Variants in EMB observed in about 807,000 individuals in gnomAD.
EMB encodes embigin.
In EMB, 31 loss-of-function variants were observed where a neutral mutation model predicts 41.4. That is an observed-to-expected ratio of 0.75 (90% CI 0.56 to 1.01). The LOEUF (loss-of-function observed/expected upper bound fraction) is 1.01. Ranked by LOEUF, EMB falls within the 50% of genes least tolerant of loss-of-function variation. The pLI is 0.00. For missense variants in EMB, 379 were observed against 388.3 expected (o/e 0.98, Z 0.20); for synonymous variants, 137 against 140.4 (o/e 0.98, Z 0.17).
At chr5:50,410,379 G>A (rs1160788387) in intron 4 of EMB, among the ~76,000 whole-genome samples, 1 of 152,048 alleles carries the variant, frequency 6.6e-6, no homozygotes. Context: ...GATATTCTGT[G>A]GCTTGTATAT....
At chr5:50,441,334 G>A (rs574076938), upstream of EMB, 14 of 386,408 alleles carry the variant, frequency 3.6e-5, no homozygotes, top group Admixed American at 3.6e-4. Context: ...CCCCCGAGAC[G>A]CTCTTACCGC....
intron 2 of EMB, among the ~76,000 whole-genome samples, chr5:50,418,685 A>G (rs1745467547): frequency 6.6e-6 from 1 of 152,220 alleles, no homozygotes; most frequent in East Asian, 1.9e-4. Context: ...TCTAGGCCCT[A>G]GTATCAAGAG....
intron 2 of EMB, among the ~76,000 whole-genome samples, chr5:50,421,290 A>C (rs1252290680): frequency 2.0e-5 from 3 of 152,168 alleles, no homozygotes; most frequent in East Asian, 1.9e-4. Flanking sequence ...AGACACATGA[A>C]AAAATGCTCA....
intron 1 of EMB, among the ~76,000 whole-genome samples, chr5:50,439,275 C>A (rs55639144): frequency 6.6e-6 from 1 of 152,038 alleles, no homozygotes; most frequent in Non-Finnish European, 1.5e-5. Flanking sequence ...ATTGGAGATA[C>A]CCAGAAGGGG....
chr5:50,407,871 T>C (rs1203621224), intron 4 of EMB, among the ~76,000 whole-genome samples: 5 of 151,962 alleles, frequency 3.3e-5, no homozygotes, highest in African/African-American at 7.2e-5. Flanking sequence ...GGTTTGGATA[T>C]ACCCAGTGAA....
chr5:50,419,607 A>G (rs1338729016), intron 2 of EMB, among the ~76,000 whole-genome samples: 1 of 151,598 alleles, frequency 6.6e-6, no homozygotes, highest in East Asian at 1.9e-4. Flanking sequence ...GTGTTGCTAC[A>G]ATTAGTGAAG....
At chr5:50,414,046 GA>G (rs1745388231) in intron 2 of EMB, among the ~76,000 whole-genome samples, 1 of 152,146 alleles carries the variant, frequency 6.6e-6, no homozygotes, top group Non-Finnish European at 1.5e-5. Flanking sequence ...AGAAAAGCAA[GA>G]AAGTGACTGC....
At chr5:50,410,814 A>C in intron 4 of EMB, 63 bp downstream of exon 4, 1 of 1,011,704 alleles carries the variant, frequency 9.9e-7, no homozygotes, top group Non-Finnish European at 1.4e-6. Flanking sequence ...AAATTACAGG[A>C]TTGAGAAATC....
At chr5:50,405,618 A>G in intron 5 of EMB, 107 bp downstream of exon 5, 1 of 1,415,538 alleles carries the variant, frequency 7.1e-7, no homozygotes, top group Non-Finnish European at 9.3e-7. Flanking sequence ...ACAAGATAAC[A>G]AAAGTATAAA....
chr5:50,403,505 A>G (rs780095691), intron 5 of EMB, 51 bp from the exon 6 acceptor site: 16 of 1,570,854 alleles, frequency 1.0e-5, no homozygotes, highest in Non-Finnish European at 1.4e-5. Context: ...CATAAAAGAT[A>G]CATGACATAG....
rs1190181494 is a variant in EMB, at chr5:50,427,700, G to A, written c.196+444C>T. On this transcript the variant is annotated intron_variant, in intron 2 of 8. Coordinates refer to ENST00000303221, the MANE Select transcript of EMB (RefSeq NM_198449.3). The stretch of plus-strand genomic sequence containing the variant: ...ATTTTTGTATTTGTAGTAGAGACAG[G>A]GTTTTGCCATGTTGGAGTTCCTTGC... Among the ~76,000 whole-genome samples, 4 of 152,058 alleles carry A rather than the reference G, an allele frequency of 2.6e-5. No homozygotes were observed. In the East Asian group the frequency reaches 7.8e-4, roughly 29 times the overall value.
intron 4 of EMB, among the ~76,000 whole-genome samples, chr5:50,410,671 A>G (rs564106270): frequency 6.6e-6 from 1 of 152,300 alleles, no homozygotes; most frequent in South Asian, 2.1e-4. Flanking sequence ...TGTGCTTTAA[A>G]TTGAGGAATA....
At chr5:50,432,053 T>G (rs2111858298) in intron 1 of EMB, among the ~76,000 whole-genome samples, 1 of 152,330 alleles carries the variant, frequency 6.6e-6, no homozygotes, top group East Asian at 1.9e-4. Context: ...TAAGGTAACA[T>G]TTTCACATAT....
upstream of EMB, chr5:50,441,319 C>T: frequency 2.5e-6 from 1 of 399,198 alleles, no homozygotes; most frequent in Non-Finnish European, 4.4e-6. Flanking sequence ...CCGCCTTGCC[C>T]CACTCCCCCG....
chr5:50,406,761 G>T (rs190904639), intron 4 of EMB, among the ~76,000 whole-genome samples: 8 of 151,976 alleles, frequency 5.3e-5, no homozygotes, highest in Admixed American at 5.3e-4. Flanking sequence ...TTTTGTGTGT[G>T]TGTGCGCACA....
Position 50,434,057 on chromosome 5 carries a change from T to C in EMB, c.113-5830A>G, listed in dbSNP as rs189888921. On this transcript the variant is annotated intron_variant, in intron 1 of 8. Transcript: ENST00000303221. ...AGGTTTAGGGCTTACTCTAATTTAGTATGACCTTATTTTAGTTCATTACAT... is the reference window on the plus strand; with the variant it reads ...AGGTTTAGGGCTTACTCTAATTTAGCATGACCTTATTTTAGTTCATTACAT... Among the ~76,000 whole-genome samples, 314 of 152,336 alleles carry C rather than the reference T, an allele frequency of 2.1e-3. 3 individuals carry two copies. The highest frequency in any genetic ancestry group is 6.9e-3 in the African/African-American group (286 of 41,580).
At chr5:50,407,064 C>G (rs989905803) in intron 4 of EMB, among the ~76,000 whole-genome samples, 1 of 151,940 alleles carries the variant, frequency 6.6e-6, no homozygotes, top group African/African-American at 2.4e-5. Flanking sequence ...GGAGTGCAGG[C>G]TTTGCATTAG....
rs761454312 is a variant in EMB, at chr5:50,403,170, A to T, written c.877+8T>A. ...AAAAAAACAAAAAACAAAAAAAAGA[A>T]ATCCCACCTGAGTGCTTCTTTTTCT... On this transcript the variant is annotated splice_region_variant and intron_variant, in intron 6 of 8. Transcript: ENST00000303221. The T allele has an allele frequency of 6.4e-7, 1 of 1,568,712 alleles. No homozygotes were observed. Among genetic ancestry groups the T allele is most frequent in the South Asian group, 1.2e-5 (1 of 83,444 alleles).
At chr5:50,418,780 C>T (rs1266794634) in intron 2 of EMB, among the ~76,000 whole-genome samples, 2 of 152,192 alleles carry the variant, frequency 1.3e-5, no homozygotes, top group East Asian at 1.9e-4. Flanking sequence ...ATTGCCAGAA[C>T]TTGATTTCCA....
Sources: allele counts gnomAD v4.1 joint callset (sites outside exome capture counted in the v4.1 genomes callset), GRCh38; gene constraint gnomAD v4.1.1; transcripts MANE v1.5; gene names NCBI Gene and HGNC (gene_info 2026-07-23, HGNC 2026-07-21).